The following ROBO2 variants were observed in gnomAD, a reference collection of about 807,000 sequenced individuals.
ROBO2 encodes the protein roundabout homolog 2.
In ROBO2, 53 loss-of-function variants were observed where a neutral mutation model predicts 160.8. That is an observed-to-expected ratio of 0.33 (90% CI 0.26 to 0.41). The LOEUF is 0.41. Among genes scored for constraint, ROBO2 ranks in the 10% least tolerant of loss-of-function variants. The pLI, the probability that ROBO2 is intolerant of heterozygous loss-of-function variation, is 1.00. For synonymous variants in ROBO2, 664 were observed against 611.7 expected (o/e 1.09, Z -1.26); for missense variants, 1,577 against 1,722.4 (o/e 0.92, Z 1.49).
At chr3:77,288,940 C>T (rs62249747) in intron 2 of ROBO2, among the ~76,000 whole-genome samples, 1,659 of 152,204 alleles carry the variant, frequency 0.011, 22 homozygotes, top group African/African-American at 0.03. Context: ...TTTACGGCAC[C>T]ATGTGAGACC....
chr3:76,026,409 T>C (rs1206610021), intron 2 of ROBO2, among the ~76,000 whole-genome samples: 1 of 151,980 alleles, frequency 6.6e-6, no homozygotes, highest in Non-Finnish European at 1.5e-5. Flanking sequence ...TATAAAATAC[T>C]ATTAATGCTT....
At chr3:76,204,411 T>C (rs969161852) in intron 2 of ROBO2, among the ~76,000 whole-genome samples, 2 of 152,198 alleles carry the variant, frequency 1.3e-5, no homozygotes, top group African/African-American at 4.8e-5. Flanking sequence ...GTTTGAATTA[T>C]AGTTCTATTT....
At chr3:76,102,248 A>G (rs1353523828) in intron 2 of ROBO2, among the ~76,000 whole-genome samples, 2 of 152,218 alleles carry the variant, frequency 1.3e-5, no homozygotes, top group Non-Finnish European at 2.9e-5. Context: ...AGGAATGTAA[A>G]ACATCTCAGT....
At chr3:77,649,454 A>C (rs1400178207) in exon 26 of ROBO2, 2 of 152,160 alleles carry the variant, frequency 1.3e-5, no homozygotes, top group African/African-American at 4.8e-5. Context: ...CACTACTGGG[A>C]AGCAACTGTG....
chr3:76,994,647 G>A (rs150742636), intron 2 of ROBO2, among the ~76,000 whole-genome samples: 96 of 152,266 alleles, frequency 6.3e-4, no homozygotes, highest in African/African-American at 2.3e-3. Context: ...TCCAGATAGT[G>A]TGCAAAGCTC....
intron 2 of ROBO2, among the ~76,000 whole-genome samples, chr3:76,329,860 CGGGAGCAG>C (rs2073348958): frequency 6.6e-6 from 1 of 152,016 alleles, no homozygotes; most frequent in African/African-American, 2.4e-5. Context: ...TTGCTTTTTC[CGGGAGCAG>C]TGATGCATTT....
intron 2 of ROBO2, among the ~76,000 whole-genome samples, chr3:76,545,025 C>T (rs2083018560): frequency 6.6e-6 from 1 of 151,912 alleles, no homozygotes; most frequent in Non-Finnish European, 1.5e-5. Context: ...GCTAAACTTA[C>T]ACAGAAGATA....
At chr3:77,613,175 C>G (rs1158856666) in intron 21 of ROBO2, among the ~76,000 whole-genome samples, 1 of 151,504 alleles carries the variant, frequency 6.6e-6, no homozygotes, top group Non-Finnish European at 1.5e-5. Flanking sequence ...TTTCTTAGCA[C>G]ATGATGCATA....
chr3:76,049,650 G>T (rs958409563), intron 2 of ROBO2, among the ~76,000 whole-genome samples: 1 of 151,874 alleles, frequency 6.6e-6, no homozygotes, highest in African/African-American at 2.4e-5. Context: ...ACTCTTTACA[G>T]AAGCACCTCC....
chr3:76,952,268 C>T (rs192939612), intron 2 of ROBO2, among the ~76,000 whole-genome samples: 1 of 151,966 alleles, frequency 6.6e-6, no homozygotes, highest in Non-Finnish European at 1.5e-5. Flanking sequence ...TGCATTGTAA[C>T]CTATTTTTAT....
intron 2 of ROBO2, among the ~76,000 whole-genome samples, chr3:76,302,119 C>T (rs1709391000): frequency 1.3e-5 from 2 of 151,992 alleles, no homozygotes; most frequent in African/African-American, 4.8e-5. Context: ...CTGTGATACT[C>T]ATGCCTTAAC....
intron 2 of ROBO2, among the ~76,000 whole-genome samples, chr3:75,991,493 T>C (rs2065568298): frequency 1.3e-5 from 2 of 152,292 alleles, no homozygotes; most frequent in Admixed American, 1.3e-4. Flanking sequence ...AGAAGTGATC[T>C]TCTCCTCCTT....
chr3:76,829,800 C>G (rs1173386276), intron 2 of ROBO2, among the ~76,000 whole-genome samples: 1 of 152,098 alleles, frequency 6.6e-6, no homozygotes, highest in South Asian at 2.1e-4. Context: ...TGCCAAGTAG[C>G]TGGGATTACA....
At chr3:76,160,843 A>G (rs1257605208) in intron 2 of ROBO2, among the ~76,000 whole-genome samples, 2 of 152,158 alleles carry the variant, frequency 1.3e-5, no homozygotes, top group Non-Finnish European at 1.5e-5. Flanking sequence ...ATACACAGAG[A>G]TTTCTCGTGA....
intron 1 of ROBO2, among the ~76,000 whole-genome samples, chr3:77,086,740 C>T (rs896506890): frequency 3.3e-5 from 5 of 152,040 alleles, no homozygotes; most frequent in African/African-American, 7.2e-5. Context: ...GCAACTAACG[C>T]GTTTGGCTCA....
chr3:76,149,450 A>G (rs1347557921), intron 2 of ROBO2, among the ~76,000 whole-genome samples: 4 of 152,134 alleles, frequency 2.6e-5, no homozygotes, highest in African/African-American at 7.2e-5. Flanking sequence ...ACTCCTGTCT[A>G]AAACATGCAT....
chr3:76,201,358 C>T (rs1381468590), intron 2 of ROBO2, among the ~76,000 whole-genome samples: 4 of 152,076 alleles, frequency 2.6e-5, no homozygotes, highest in African/African-American at 7.2e-5. Flanking sequence ...TTCTTAGGAC[C>T]GTCATGCATT....
At chr3:77,459,683 A>G (rs1429309101) in intron 2 of ROBO2, among the ~76,000 whole-genome samples, 1 of 152,212 alleles carries the variant, frequency 6.6e-6, no homozygotes, top group East Asian at 1.9e-4. Context: ...AAGAAGTGAT[A>G]AGTAAACTGA....
At chr3:76,264,056 C>T (rs1706941841) in intron 2 of ROBO2, among the ~76,000 whole-genome samples, 1 of 152,044 alleles carries the variant, frequency 6.6e-6, no homozygotes. Flanking sequence ...ATATCACACT[C>T]CTGGGCCTTT....
Sources: allele counts gnomAD v4.1 joint callset (sites outside exome capture counted in the v4.1 genomes callset), GRCh38; gene constraint gnomAD v4.1.1; transcripts MANE v1.5; gene names NCBI Gene and HGNC (gene_info 2026-07-23, HGNC 2026-07-21).